PSG5: variants seen among roughly 807,000 people sequenced by gnomAD.
PSG5 encodes pregnancy specific beta-1-glycoprotein 5, also known as pregnancy-specific beta-1-glycoprotein 5.
PSG5 carries 53 observed loss-of-function variants against 37.7 expected under a neutral mutation model. The ratio of observed to expected loss-of-function variants is 1.41; its 90% CI spans 1.13 to 1.77. PSG5 has a LOEUF of 1.77. Among genes scored for constraint, PSG5 ranks in the 40% most tolerant of loss-of-function variants. The pLI is 0.00. For synonymous variants in PSG5, 221 were observed against 155.4 expected (o/e 1.42, Z -3.14); for missense variants, 547 against 405.2 (o/e 1.35, Z -3.00).
intron 4 of PSG5, 74 bp from the exon 5 acceptor site, chr19:43,170,212 T>G: frequency 7.8e-7 from 1 of 1,277,204 alleles, no homozygotes; most frequent in Non-Finnish European, 1.1e-6. Flanking sequence ...GGAAGAGGCA[T>G]GTAGCATGAG....
chr19:43,175,412 T>G lies in PSG5; in HGVS notation c.767A>C (p.Asn256Thr). ...PSFTYYRSGE[N>T]LYLSCFAESN... ...TTCCGCGAAGCAGGACAAGTAGAGG[T>G]TTTCTCCTGAACGGTAATAGGTGAA... The change falls in exon 4 of 6, where the codon AAC (asparagine) becomes ACC (threonine). Residue 256 changes from asparagine to threonine, a missense_variant. By Grantham distance (65) the Asn-to-Thr change is moderately conservative. Coordinates refer to ENST00000342951, the MANE Select transcript of PSG5 (RefSeq NM_002781.4). 2 of 1,612,394 alleles carry G rather than the reference T, an allele frequency of 1.2e-6. No individual in the cohort carries two copies. Among genetic ancestry groups the G allele is most frequent in the Non-Finnish European group, 8.5e-7 (1 of 1,179,128 alleles).
chr19:43,180,871 A>G, intron 2 of PSG5, among the ~76,000 whole-genome samples: 1 of 151,624 alleles, frequency 6.6e-6, no homozygotes, highest in Non-Finnish European at 1.5e-5. Context: ...GAAGGATGCC[A>G]AATTAAAAGA....
chr19:43,171,619 C>T (rs540682914), intron 4 of PSG5: 1 of 538,300 alleles, frequency 1.9e-6, no homozygotes, highest in South Asian at 7.0e-5. Context: ...AAATTGACAA[C>T]CATTAACTAG....
chr19:43,176,266 G>A lies in PSG5; in HGVS notation c.431-118C>T, dbSNP rs1418219221. 1.2e-5 allele frequency: 18 copies of A among 1,489,452 alleles called. No homozygotes were observed. The South Asian group carries it at 1.7e-4, about 14-fold the overall frequency. The allele number at this position is 1,489,452 out of a possible 1,614,324, so 92.3% of individuals were successfully genotyped here. A position where few individuals can be genotyped will look rare whatever the true frequency, so the allele number is the denominator to read the frequency against. On this transcript the variant is annotated intron_variant, in intron 2 of 5. Transcript: ENST00000342951. ...AACCCACCAGAGTCCTTGAAAGCCAGTAGCTGATGCATGTGTCACAAGATA... is the reference window on the plus strand; with the variant it reads ...AACCCACCAGAGTCCTTGAAAGCCAATAGCTGATGCATGTGTCACAAGATA...
At position 43,176,691 on chromosome 19, in the gene PSG5, C is replaced by G. The variant is rs537756193; in HGVS notation, c.431-543G>C. On this transcript the variant is annotated intron_variant, in intron 2 of 5. Coordinates refer to ENST00000342951, the MANE Select transcript of PSG5 (RefSeq NM_002781.4). ...GAAATAACACAGGAGAGACCAGAGT[C>G]AAGCCTGGAGGTCAGTTCAGTCATC... Among the ~76,000 whole-genome samples the G allele has an allele frequency of 3.9e-3, 594 of 150,762 alleles. 8 individuals are homozygous for G. Among genetic ancestry groups the G allele is most frequent in the African/African-American group, 0.014 (573 of 40,788 alleles).
At chr19:43,176,953 G>A (rs1969024478) in intron 2 of PSG5, among the ~76,000 whole-genome samples, 1 of 151,714 alleles carries the variant, frequency 6.6e-6, no homozygotes. Context: ...AGAAATACAT[G>A]TGGATGTTTG....
intron 1 of PSG5, among the ~76,000 whole-genome samples, chr19:43,185,850 G>A (rs144393980): frequency 0.19 from 6,736 of 35,654 alleles, 627 homozygotes; most frequent in East Asian, 0.6. Context: ...TTTTCAAAAT[G>A]TCGTGGCCCT....
At chr19:43,178,664 C>T (rs1306537249) in intron 2 of PSG5, among the ~76,000 whole-genome samples, 5 of 151,638 alleles carry the variant, frequency 3.3e-5, no homozygotes, top group African/African-American at 9.7e-5. Context: ...AGCTGTGGAA[C>T]CTGAGTCTCC....
chr19:43,173,217 C>A (rs1968940002), intron 4 of PSG5, among the ~76,000 whole-genome samples: 1 of 151,512 alleles, frequency 6.6e-6, no homozygotes, highest in Non-Finnish European at 1.5e-5. Flanking sequence ...TAAAAATTAA[C>A]CCACAATAGA....
At chr19:43,169,350 G>A (rs1299320184) in intron 5 of PSG5, among the ~76,000 whole-genome samples, 7 of 151,660 alleles carry the variant, frequency 4.6e-5, no homozygotes, top group African/African-American at 1.2e-4. Flanking sequence ...TAAAGTCTCC[G>A]TTCTCCATGA....
rs552978420 is a variant in PSG5, at chr19:43,170,527, C to G, written c.965-389G>C. The G allele has an allele frequency of 3.4e-5, 15 of 440,064 alleles. No homozygotes were observed. In the East Asian group the frequency reaches 8.1e-4, roughly 24 times the overall value. The allele number at this position is 440,064 out of a possible 1,614,324, so 27.3% of individuals were successfully genotyped here. A position where few individuals can be genotyped will look rare whatever the true frequency, so the allele number is the denominator to read the frequency against. ...TCTGTCAGGTCTCCATGGCAGGGAG[C>G]TGATTGACAGAAGGCCCACGTCCGT... On this transcript the variant is annotated intron_variant, in intron 4 of 5. Coordinates refer to ENST00000342951, the MANE Select transcript of PSG5 (RefSeq NM_002781.4).
intron 2 of PSG5, 39 bp from the exon 3 acceptor site, chr19:43,176,187 C>T (rs759807110): frequency 1.9e-6 from 3 of 1,602,744 alleles, no homozygotes; most frequent in Non-Finnish European, 1.7e-6. Flanking sequence ...CTGTGTGGCA[C>T]CTTTGATTCC....
chr19:43,184,663 C>G (rs1444519173), intron 2 of PSG5, 119 bp downstream of exon 2: 4 of 1,557,390 alleles, frequency 2.6e-6, no homozygotes, highest in Non-Finnish European at 3.5e-6. Flanking sequence ...GCCCAAACCG[C>G]AGCATGGGAC....
chr19:43,183,337 C>T (rs943878972), intron 2 of PSG5: 12 of 489,454 alleles, frequency 2.5e-5, no homozygotes, highest in African/African-American at 4.0e-5. Flanking sequence ...GTGGCTAGAA[C>T]CTCCTAGGAT....
At chr19:43,185,235 A>C in intron 1 of PSG5, 88 bp from the exon 2 acceptor site, 1 of 1,433,508 alleles carries the variant, frequency 7.0e-7, no homozygotes, top group Non-Finnish European at 9.5e-7. Flanking sequence ...AGGTCTCTTC[A>C]ATCCTCAGCC....
At chr19:43,179,991 G>C (rs1367931960) in intron 2 of PSG5, among the ~76,000 whole-genome samples, 2 of 151,794 alleles carry the variant, frequency 1.3e-5, no homozygotes, top group Non-Finnish European at 2.9e-5. Context: ...CTGTTGGAAA[G>C]GGTAATCATG....
At chr19:43,184,440 C>T (rs533189277) in intron 2 of PSG5, among the ~76,000 whole-genome samples, 2 of 151,706 alleles carry the variant, frequency 1.3e-5, no homozygotes, top group East Asian at 3.9e-4. Flanking sequence ...CAGGGGGCCC[C>T]TCAGGCCAAA....
intron 3 of PSG5, 62 bp from the exon 4 acceptor site, chr19:43,175,531 T>C (rs754068575): frequency 6.5e-6 from 10 of 1,546,966 alleles, no homozygotes; most frequent in Non-Finnish European, 8.7e-6. Flanking sequence ...GCTCCTGGTC[T>C]CTTAAAGGGA....
At chr19:43,185,607 C>T (rs1248171972) in intron 1 of PSG5, among the ~76,000 whole-genome samples, 1 of 151,436 alleles carries the variant, frequency 6.6e-6, no homozygotes, top group African/African-American at 2.4e-5. Context: ...GCATGTCTGT[C>T]TTCCTCCCCA....
Sources: gnomAD v4.1 joint callset for allele counts (sites outside exome capture counted in the v4.1 genomes callset) on GRCh38, gnomAD v4.1.1 for gene constraint, MANE v1.5 for transcripts, NCBI Gene and HGNC (gene_info 2026-07-23, HGNC 2026-07-21) for gene names.